The following PLEKHG4B variants were observed in gnomAD, a reference collection of about 807,000 sequenced individuals.
PLEKHG4B encodes the protein pleckstrin homology domain-containing family G member 4B.
Under a neutral mutation model 121.3 loss-of-function variants are expected in PLEKHG4B, and 111 were observed. The ratio of observed to expected loss-of-function variants is 0.92; its 90% CI spans 0.78 to 1.07. The LOEUF is 1.07. Ranked by LOEUF, PLEKHG4B falls within the 50% of genes least tolerant of loss-of-function variation. The probability of loss-of-function intolerance (pLI) is 0.00; values close to 1 mark genes in which losing one functional copy is unlikely to be tolerated. For synonymous variants in PLEKHG4B, 738 were observed against 725.0 expected, an observed-to-expected ratio of 1.02 and a Z score of -0.29; for missense variants, 1,831 against 1,757.8, an observed-to-expected ratio of 1.04 and a Z score of -0.74.
In PLEKHG4B at chr5:121,401, GCA is replaced by G. The variant is rs557031654; in HGVS notation, c.243+7956_243+7957del. Among the ~76,000 whole-genome samples the G allele has an allele frequency of 9.8e-5, 15 of 152,290 alleles. 1 individual carries two copies. The South Asian group carries it at 2.9e-3, about 29-fold the overall frequency. ...GCCAAAGAAAGTCATCCAAATGGAA[GCA>G]CAGAGAGAAAGGAGAATGAGGAAAC... On this transcript the variant is annotated intron_variant, in intron 2 of 19. Transcript: ENST00000637938.
intron 6 of PLEKHG4B, among the ~76,000 whole-genome samples, chr5:150,644 T>C (rs1330988018): frequency 1.3e-5 from 2 of 152,188 alleles, no homozygotes; most frequent in Non-Finnish European, 2.9e-5. Flanking sequence ...CTGAAGATGA[T>C]ACACAGATGG....
rs1733636596 is a variant in PLEKHG4B at position 186,663 on chromosome 5, T to G, written c.*4340T>G. 1 of 152,426 alleles carries G rather than the reference T, an allele frequency of 6.6e-6. No individual in the cohort carries two copies. The highest frequency in any genetic ancestry group is 2.4e-5 in the African/African-American group (1 of 41,422). The allele number at this position is 152,426 out of a possible 1,614,324, so 9.4% of individuals were successfully genotyped here. On this transcript the variant is annotated 3_prime_UTR_variant, in exon 20 of 20. Coordinates refer to ENST00000637938, the MANE Select transcript of PLEKHG4B (RefSeq NM_052909.5). ...TGGCCTGGCCCAGCATCTCCCAGAG[T>G]CACTTCCTGATGCCTCCCCAGCCCT... is the stretch of plus-strand genomic sequence containing the variant.
rs372329368 is a variant in PLEKHG4B, at chr5:143,012, C to T, written c.1478-35C>T. The T allele has an allele frequency of 4.4e-6, 7 of 1,594,780 alleles. No individual in the cohort carries two copies. The Admixed American group carries it at 6.7e-5, about 15-fold the overall frequency. Reference sequence around the variant, plus strand: ...AGCTGCTTTCAACGCGCAGGAAAACCTTCATCTTTGACACGGCCTCTTTCC... The same window carrying T: ...AGCTGCTTTCAACGCGCAGGAAAACTTTCATCTTTGACACGGCCTCTTTCC... On this transcript the variant is annotated intron_variant, in intron 3 of 19. Coordinates refer to ENST00000637938, the MANE Select transcript of PLEKHG4B (RefSeq NM_052909.5).
Position 163,346 on chromosome 5 carries a change from G to A in PLEKHG4B, c.3274G>A (p.Asp1092Asn), listed in dbSNP as rs115564310. ...GCAAAGTTTCGAGATACCTCAGCCC[G>A]ACAGTGGCCCCAGGGACTCCTGCCA... The part of the protein sequence containing the change: ...KTQSFEIPQP[D>N]SGPRDSCQPD... The change falls in exon 13 of 20, where the codon GAC (aspartate) becomes AAC (asparagine). Residue 1092 changes from aspartate (D) to asparagine (N), a missense_variant. By Grantham distance (23) the Asp-to-Asn change is conservative (BLOSUM62 1). Transcript: ENST00000637938. 5.4e-4 allele frequency: 866 copies of A among 1,613,324 alleles called. 4 individuals are homozygous for A. The highest frequency in any genetic ancestry group is 3.3e-3 in the South Asian group (302 of 91,084).
Position 140,544 on chromosome 5 carries a change from G to A in PLEKHG4B, c.1305G>A (p.Arg435=). ...GAGCTGCAGGGCGGACTCTTCCCAG[G>A]AGATCTCGGTCCTGGGAAAGGGCAC... ...GPGAAGRTLP[R]RSRSWERAPR... The change falls in exon 3 of 20, where the codon AGG becomes AGA. Residue 435 remains arginine (R), a synonymous_variant. Coordinates refer to ENST00000637938, the MANE Select transcript of PLEKHG4B (RefSeq NM_052909.5). 1 of 1,603,382 alleles carries A rather than the reference G, an allele frequency of 6.2e-7. No homozygotes were observed. The highest frequency in any genetic ancestry group is 8.5e-7 in the Non-Finnish European group (1 of 1,175,548).
chr5:115,489 T>G (rs183708650), intron 2 of PLEKHG4B, among the ~76,000 whole-genome samples: 2 of 152,226 alleles, frequency 1.3e-5, no homozygotes. Context: ...AGCTTGTCCT[T>G]TGAAGCTTTG....
At chr5:95,382 G>A (rs1733601437) in intron 1 of PLEKHG4B, among the ~76,000 whole-genome samples, 2 of 152,086 alleles carry the variant, frequency 1.3e-5, no homozygotes, top group African/African-American at 4.8e-5. Flanking sequence ...CCTAGAGAGG[G>A]CTTTCTGGGT....
Position 173,918 on chromosome 5 carries a change from A to G in PLEKHG4B, c.4222A>G (p.Thr1408Ala). The G allele has an allele frequency of 6.2e-7, 1 of 1,613,076 alleles. No individual in the cohort carries two copies. The highest frequency in any genetic ancestry group is 1.1e-5 in the South Asian group (1 of 90,906). Residue 1408 changes from threonine (T) to alanine (A), a missense_variant and splice_region_variant, in exon 18 of 20, where the codon ACG becomes GCG. Thr to Ala is a moderately conservative substitution (Grantham distance 58). Coordinates refer to ENST00000637938, the MANE Select transcript of PLEKHG4B (RefSeq NM_052909.5). ...TGCAATGGGTGTTTGCTGACTGCAG[A>G]CGGCCGAGATCGGGATGACAGAGAA... ...DVYLYKQSFK[T>A]AEIGMTENVG... is the part of the protein sequence containing the mutation.
At chr5:128,405 A>G (rs1734682827) in intron 2 of PLEKHG4B, among the ~76,000 whole-genome samples, 1 of 152,118 alleles carries the variant, frequency 6.6e-6, no homozygotes, top group African/African-American at 2.4e-5. Context: ...TAGGGCATGA[A>G]CTCCCCAGAC....
chr5:172,562 C>T (rs1736596493), intron 16 of PLEKHG4B, among the ~76,000 whole-genome samples: 1 of 152,144 alleles, frequency 6.6e-6, no homozygotes, highest in African/African-American at 2.4e-5. Flanking sequence ...GATCTCTGCA[C>T]GTATGACCCG....
intron 3 of PLEKHG4B, 74 bp downstream of exon 3, chr5:140,790 A>G: frequency 9.2e-7 from 1 of 1,081,880 alleles, no homozygotes; most frequent in Non-Finnish European, 1.2e-6. Flanking sequence ...CCCCCTGCAC[A>G]CCCCACCCCC....
At chr5:112,500 C>T (rs571087837) in intron 1 of PLEKHG4B, among the ~76,000 whole-genome samples, 55 of 152,260 alleles carry the variant, frequency 3.6e-4, no homozygotes, top group African/African-American at 1.3e-3. Context: ...TGTGGTATTT[C>T]CTCAGGGATT....
rs759623099 is a variant in PLEKHG4B at position 174,077 on chromosome 5, C to T, written c.4381C>T (p.Arg1461Trp). Residue 1461 changes from arginine to tryptophan, a missense_variant, in exon 18 of 20, where the codon CGG becomes TGG. Physicochemically the swap from Arg to Trp is moderately radical, Grantham distance 101. Coordinates refer to ENST00000637938, the MANE Select transcript of PLEKHG4B (RefSeq NM_052909.5). ...CGATGTCATAGGGAGGATCCTGTGG[C>T]GGCAGGCACTAAAGAGCAGAGGTGG... ...WTDVIGRILW[R>W]QALKSRELRI... is the part of the protein sequence containing the mutation. 2.9e-5 allele frequency: 45 copies of T among 1,556,964 alleles called. No homozygotes were observed. Among genetic ancestry groups the T allele is most frequent in the African/African-American group, 5.5e-5 (4 of 72,240 alleles).
chr5:158,616 T>TG (rs1340427656), intron 11 of PLEKHG4B, among the ~76,000 whole-genome samples: 3 of 125,476 alleles, frequency 2.4e-5, no homozygotes, highest in African/African-American at 9.2e-5. Context: ...ACTCCGTCCT[T>TG]GGGGGGGTCT....
chr5:108,074 C>T (rs1332775136), intron 1 of PLEKHG4B, among the ~76,000 whole-genome samples: 5 of 152,204 alleles, frequency 3.3e-5, no homozygotes, highest in African/African-American at 9.7e-5. Flanking sequence ...CCAGGTCCTG[C>T]GTCTCCAGTG....
chr5:93,412 C>T (rs1733530022), intron 1 of PLEKHG4B, among the ~76,000 whole-genome samples: 1 of 152,148 alleles, frequency 6.6e-6, no homozygotes, highest in Admixed American at 6.5e-5. Context: ...CTCCGAGATT[C>T]TGTGATATAT....
At chr5:115,567 C>T (rs890431572) in intron 2 of PLEKHG4B, among the ~76,000 whole-genome samples, 1 of 152,238 alleles carries the variant, frequency 6.6e-6, no homozygotes, top group African/African-American at 2.4e-5. Context: ...CAATAGAAGG[C>T]TGTTTTGTCT....
At chr5:163,712 A>T (rs192465729) in intron 13 of PLEKHG4B, among the ~76,000 whole-genome samples, 164 bp downstream of exon 13, 1 of 152,298 alleles carries the variant, frequency 6.6e-6, no homozygotes, top group Non-Finnish European at 1.5e-5. Flanking sequence ...TTTAAACTAG[A>T]TATGAGTTAC....
chr5:135,651 G>T (rs1354211182), intron 2 of PLEKHG4B, among the ~76,000 whole-genome samples: 4 of 83,148 alleles, frequency 4.8e-5, no homozygotes, highest in South Asian at 5.1e-4. Flanking sequence ...GGGCGACAAA[G>T]CAAGACTCCA....
Sources: allele counts gnomAD v4.1 joint callset (sites outside exome capture counted in the v4.1 genomes callset), GRCh38; gene constraint gnomAD v4.1.1; transcripts MANE v1.5; gene names NCBI Gene and HGNC (gene_info 2026-07-23, HGNC 2026-07-21).